Variants in GALNT13 observed in about 807,000 individuals in gnomAD.
GALNT13 encodes the protein UDP-GalNAc:polypeptide N-acetylgalactosaminyltransferase 13.
Under a neutral mutation model 64.2 loss-of-function variants are expected in GALNT13, and 28 were observed. The ratio of observed to expected loss-of-function variants is 0.44; its 90% CI spans 0.32 to 0.60. The LOEUF (loss-of-function observed/expected upper bound fraction) is 0.60. Among genes scored for constraint, GALNT13 ranks in the 20% least tolerant of loss-of-function variants. The pLI is 0.05. For missense variants in GALNT13, 577 were observed against 669.8 expected (o/e 0.86, Z 1.53); for synonymous variants, 214 against 224.6 (o/e 0.95, Z 0.42).
chr2:154,365,804 T>G (rs954259856), intron 9 of GALNT13, among the ~76,000 whole-genome samples: 1 of 152,198 alleles, frequency 6.6e-6, no homozygotes, highest in South Asian at 2.1e-4. Context: ...TGAGAAGAAC[T>G]ATCTCTGTAA....
intron 2 of GALNT13, among the ~76,000 whole-genome samples, chr2:153,911,053 C>T (rs900934154): frequency 1.3e-5 from 2 of 152,036 alleles, no homozygotes; most frequent in African/African-American, 4.8e-5. Context: ...GCATGGAAGT[C>T]GAAATTTCCT....
chr2:154,455,641 C>T (rs938339843), downstream of GALNT13, among the ~76,000 whole-genome samples: 7 of 152,072 alleles, frequency 4.6e-5, no homozygotes, highest in Non-Finnish European at 2.9e-5. Context: ...ACACCATGTT[C>T]GAACTGCTAC....
intron 9 of GALNT13, among the ~76,000 whole-genome samples, chr2:154,365,751 T>C (rs906729651): frequency 1.3e-5 from 2 of 152,232 alleles, no homozygotes. Flanking sequence ...TCAGTAAATA[T>C]AATTAGATTG....
At chr2:154,122,453 G>A (rs1267348132) in intron 3 of GALNT13, among the ~76,000 whole-genome samples, 1 of 151,844 alleles carries the variant, frequency 6.6e-6, no homozygotes, top group Non-Finnish European at 1.5e-5. Flanking sequence ...AATATTTTAG[G>A]AAGTATTTCC....
intron 1 of GALNT13, among the ~76,000 whole-genome samples, chr2:153,886,784 A>G (rs1488702381): frequency 6.6e-6 from 1 of 152,036 alleles, no homozygotes; most frequent in Non-Finnish European, 1.5e-5. Flanking sequence ...TCTAAGGTCC[A>G]TTAAGTTACA....
the GALNT13 span, among the ~76,000 whole-genome samples, chr2:153,106,056 C>G: frequency 6.6e-6 from 1 of 152,184 alleles, no homozygotes; most frequent in African/African-American, 2.4e-5. Flanking sequence ...TGTGCACACC[C>G]GAGTGATGCT....
At chr2:154,285,668 C>T (rs1692224504) in intron 8 of GALNT13, among the ~76,000 whole-genome samples, 1 of 152,046 alleles carries the variant, frequency 6.6e-6, no homozygotes, top group South Asian at 2.1e-4. Flanking sequence ...AAGCTTTGCT[C>T]TTTTTGTTCA....
intron 4 of GALNT13, among the ~76,000 whole-genome samples, chr2:154,152,049 G>T (rs1226571577): frequency 6.6e-6 from 1 of 152,168 alleles, no homozygotes; most frequent in Non-Finnish European, 1.5e-5. Flanking sequence ...AATTTGGCAT[G>T]TTTTTGCAGT....
chr2:153,334,261 A>C, the GALNT13 span, among the ~76,000 whole-genome samples: 1 of 152,206 alleles, frequency 6.6e-6, no homozygotes, highest in Non-Finnish European at 1.5e-5. Context: ...CTGCAGTCTC[A>C]ATTTAGAGAA....
the GALNT13 span, among the ~76,000 whole-genome samples, chr2:153,068,413 C>A: frequency 6.6e-6 from 1 of 152,084 alleles, no homozygotes. Context: ...TCTGTTTTTG[C>A]TGAAGAGATG....
the GALNT13 span, among the ~76,000 whole-genome samples, chr2:153,576,553 C>G: frequency 1.3e-5 from 2 of 152,164 alleles, no homozygotes; most frequent in Non-Finnish European, 2.9e-5. Context: ...GAGTTTAATG[C>G]CTCATAATTG....
At chr2:153,828,858 A>G in the GALNT13 span, among the ~76,000 whole-genome samples, 1 of 152,092 alleles carries the variant, frequency 6.6e-6, no homozygotes, top group African/African-American at 2.4e-5. Flanking sequence ...CAGCACCCAA[A>G]TCATCTCTTG....
At chr2:154,391,848 A>G (rs539334163) in intron 9 of GALNT13, among the ~76,000 whole-genome samples, 19 of 152,304 alleles carry the variant, frequency 1.2e-4, no homozygotes, top group Admixed American at 5.2e-4. Flanking sequence ...TCAGATAGTA[A>G]TAAGTGCCAT....
the GALNT13 span, among the ~76,000 whole-genome samples, chr2:153,486,351 T>C: frequency 6.6e-6 from 1 of 152,216 alleles, no homozygotes; most frequent in African/African-American, 2.4e-5. Flanking sequence ...AAAATTATTA[T>C]GTAATAAGGG....
intron 3 of GALNT13, among the ~76,000 whole-genome samples, chr2:154,138,208 T>C (rs1024499297): frequency 1.3e-5 from 2 of 152,132 alleles, no homozygotes; most frequent in Non-Finnish European, 2.9e-5. Context: ...TAAAGTGATA[T>C]ATAAGCTTTT....
chr2:153,263,937 A>G, the GALNT13 span, among the ~76,000 whole-genome samples: 2 of 152,220 alleles, frequency 1.3e-5, no homozygotes, highest in African/African-American at 4.8e-5. Context: ...AAAAGCAAAA[A>G]TTGGCAGATG....
At chr2:154,328,530 A>G (rs924432571) in intron 9 of GALNT13, among the ~76,000 whole-genome samples, 1 of 152,102 alleles carries the variant, frequency 6.6e-6, no homozygotes, top group Non-Finnish European at 1.5e-5. Context: ...TAGCTACCAG[A>G]GATTCTCTGG....
chr2:154,085,556 C>T (rs1454894581), intron 3 of GALNT13, among the ~76,000 whole-genome samples: 1 of 152,030 alleles, frequency 6.6e-6, no homozygotes, highest in South Asian at 2.1e-4. Context: ...AACTTTGGAA[C>T]TCCAGAGTCT....
the GALNT13 span, among the ~76,000 whole-genome samples, chr2:153,103,567 T>C: frequency 1.3e-5 from 2 of 152,264 alleles, no homozygotes; most frequent in African/African-American, 2.4e-5. Flanking sequence ...AGATTTGGCC[T>C]TTCAGGCCCC....
Sources: gnomAD v4.1 joint callset for allele counts (sites outside exome capture counted in the v4.1 genomes callset) on GRCh38, gnomAD v4.1.1 for gene constraint, MANE v1.5 for transcripts, NCBI Gene and HGNC (gene_info 2026-07-23, HGNC 2026-07-21) for gene names.